The following COL6A5 variants were observed in gnomAD, a reference collection of about 807,000 sequenced individuals.
The protein encoded by COL6A5 is collagen type VI alpha 5 chain, also known as collagen alpha-5(VI) chain.
Under a neutral mutation model 65.6 loss-of-function variants are expected in COL6A5, and 48 were observed. The ratio of observed to expected loss-of-function variants is 0.73; its 90% CI spans 0.58 to 0.93. The LOEUF is 0.93. Ranked by LOEUF, COL6A5 falls within the 40% of genes least tolerant of loss-of-function variation. COL6A5 has a pLI of 0.00. For synonymous variants in COL6A5, 291 were observed against 322.8 expected, an observed-to-expected ratio of 0.90 and a Z score of 1.05; for missense variants, 914 against 928.3, an observed-to-expected ratio of 0.98 and a Z score of 0.20.
intron 25 of COL6A5, 83 bp downstream of exon 25, chr3:130,419,014 C>A (rs970784272): frequency 6.5e-6 from 7 of 1,076,182 alleles, no homozygotes; most frequent in Admixed American, 2.0e-5. Context: ...ACCTTCAGCC[C>A]AATTATGGGG....
At chr3:130,429,180 C>G (rs1937690201), upstream of COL6A5, among the ~76,000 whole-genome samples, 1 of 152,014 alleles carries the variant, frequency 6.6e-6, no homozygotes, top group Non-Finnish European at 1.5e-5. Context: ...AAAATAAGAC[C>G]CCGTATTTTA....
intron 5 of COL6A5, among the ~76,000 whole-genome samples, chr3:130,463,608 T>C (rs2107608523): frequency 6.6e-6 from 1 of 152,192 alleles, no homozygotes; most frequent in East Asian, 1.9e-4. Context: ...ATCTTGCCCA[T>C]AGGAAAGCAA....
intron 1 of COL6A5, 93 bp downstream of exon 33, chr3:130,432,042 A>G: frequency 7.5e-7 from 1 of 1,325,646 alleles, no homozygotes; most frequent in Non-Finnish European, 1.0e-6. Context: ...CAAGAAATAT[A>G]TGTGGCCTCT....
intron 17 of COL6A5, among the ~76,000 whole-genome samples, chr3:130,407,230 A>G (rs1324574679): frequency 6.6e-6 from 1 of 152,158 alleles, no homozygotes; most frequent in African/African-American, 2.4e-5. Context: ...GCCAAATTTT[A>G]CTTCCTGGAG....
chr3:130,387,612 A>T (rs1559872284), intron 5 of COL6A5, among the ~76,000 whole-genome samples: 1 of 152,046 alleles, frequency 6.6e-6, no homozygotes, highest in Admixed American at 6.6e-5. Context: ...GTGACCTTAC[A>T]CGTTTATTAA....
chr3:130,456,435 A>G (rs1025789314), intron 5 of COL6A5, among the ~76,000 whole-genome samples: 4 of 152,094 alleles, frequency 2.6e-5, no homozygotes, highest in African/African-American at 9.7e-5. Context: ...AAAAACATTT[A>G]AAAATAACCA....
chr3:130,370,091 A>G (rs1366493108), intron 1 of COL6A5, among the ~76,000 whole-genome samples: 1 of 152,186 alleles, frequency 6.6e-6, no homozygotes, highest in Non-Finnish European at 1.5e-5. Flanking sequence ...TCACTCATTC[A>G]TGCTACTCTC....
At chr3:130,353,883 T>C (rs1934815014) in intron 1 of COL6A5, among the ~76,000 whole-genome samples, 1 of 151,968 alleles carries the variant, frequency 6.6e-6, no homozygotes, top group Non-Finnish European at 1.5e-5. Flanking sequence ...CTTATATTTA[T>C]AGTTGAAAAA....
exon 4 of COL6A5, chr3:130,379,907 CT>C (rs1162620729): frequency 1.9e-6 from 3 of 1,551,342 alleles, no homozygotes; most frequent in African/African-American, 1.4e-5. Context: ...GAAATAGTGT[CT>C]TATCCTCCAG....
chr3:130,416,756 G>A lies in COL6A5; in HGVS notation c.4825-1G>A. 1 of 1,521,276 alleles carries A rather than the reference G, an allele frequency of 6.6e-7. No individual in the cohort carries two copies. The highest frequency in any genetic ancestry group is 8.9e-7 in the Non-Finnish European group (1 of 1,128,800). The allele number at this position is 1,521,276 out of a possible 1,614,324, so 94.2% of individuals were successfully genotyped here. On this transcript the variant is annotated splice_acceptor_variant and NMD_transcript_variant, in intron 23 of 41. Transcript: ENST00000312481. ...ATTTTAGTCTCTAATTTTTTTTTCAGGGTTCTCCTGGGCTAATGGGAGCTA... is the reference window on the plus strand; with the variant it reads ...ATTTTAGTCTCTAATTTTTTTTTCAAGGTTCTCCTGGGCTAATGGGAGCTA...
At chr3:130,444,616 C>G (rs987136775) in intron 4 of COL6A5, among the ~76,000 whole-genome samples, 1 of 152,052 alleles carries the variant, frequency 6.6e-6, no homozygotes, top group Admixed American at 6.6e-5. Context: ...GTCGTTCTCT[C>G]GATTTTGAGG....
chr3:130,436,783 A>G (rs1025178893), intron 1 of COL6A5, among the ~76,000 whole-genome samples: 2 of 152,018 alleles, frequency 1.3e-5, no homozygotes, highest in Admixed American at 1.3e-4. Context: ...ATTCGGCTTC[A>G]TCACCTTGGC....
chr3:130,456,980 CTCAAAAAAAAG>C (rs1400046038), intron 5 of COL6A5, among the ~76,000 whole-genome samples: 14 of 151,794 alleles, frequency 9.2e-5, no homozygotes, highest in Non-Finnish European at 1.8e-4. Flanking sequence ...GGCATCTTAG[CTCAAAAAAAAG>C]TAGTGATGCA....
exon 9 of COL6A5, chr3:130,397,852 A>C (rs12488457): frequency 0.66 from 1,023,828 of 1,551,428 alleles, 359,524 homozygotes; most frequent in Non-Finnish European, 0.73. Context: ...CAGTGGGCCA[A>C]CTCATCTGAA....
intron 1 of COL6A5, among the ~76,000 whole-genome samples, chr3:130,371,087 G>A (rs994476721): frequency 3.3e-5 from 5 of 152,166 alleles, no homozygotes; most frequent in Admixed American, 2.0e-4. Context: ...TCACGTGGCT[G>A]TACAGAAAGG....
chr3:130,353,254 G>A (rs1014711105), intron 1 of COL6A5, among the ~76,000 whole-genome samples: 2 of 152,212 alleles, frequency 1.3e-5, no homozygotes, highest in Admixed American at 1.3e-4. Flanking sequence ...TGTTGGACCT[G>A]TCTTTCCTCA....
At chr3:130,484,009 G>A (rs1349112939) in intron 7 of COL6A5, 26 bp from the exon 41 acceptor site, 10 of 1,601,422 alleles carry the variant, frequency 6.2e-6, no homozygotes, top group Non-Finnish European at 8.5e-6. Flanking sequence ...GACATTAAAA[G>A]CAGTGAATAT....
At chr3:130,368,804 A>G (rs1390585392) in intron 1 of COL6A5, among the ~76,000 whole-genome samples, 1 of 152,182 alleles carries the variant, frequency 6.6e-6, no homozygotes, top group Non-Finnish European at 1.5e-5. Flanking sequence ...CCAGCACAGG[A>G]AAATAAGGCT....
exon 19 of COL6A5, chr3:130,410,044 A>G: frequency 6.5e-7 from 1 of 1,549,914 alleles, no homozygotes; most frequent in Non-Finnish European, 8.7e-7. Flanking sequence ...TCAAAGGACA[A>G]AAGGGCTCCA....
Sources: gnomAD v4.1 joint callset for allele counts (sites outside exome capture counted in the v4.1 genomes callset) on GRCh38, gnomAD v4.1.1 for gene constraint, MANE v1.5 for transcripts, NCBI Gene and HGNC (gene_info 2026-07-23, HGNC 2026-07-21) for gene names.